Variants in UNK observed in about 807,000 individuals in gnomAD.
UNK encodes the protein unk zinc finger, also known as RING finger protein unkempt homolog.
UNK carries 32 observed loss-of-function variants against 97.6 expected under a neutral mutation model. The ratio of observed to expected loss-of-function variants is 0.33; its 90% CI spans 0.25 to 0.44. The LOEUF (loss-of-function observed/expected upper bound fraction) is 0.44. Among genes scored for constraint, UNK ranks in the 20% least tolerant of loss-of-function variants. UNK has a pLI of 1.00. For missense variants in UNK, 771 were observed against 1,098.4 expected (o/e 0.70, Z 4.21); for synonymous variants, 441 against 461.2 (o/e 0.96, Z 0.56).
Position 75,785,061 on chromosome 17 carries a change from G to A in UNK, c.104+77G>A. On this transcript the variant is annotated intron_variant, in intron 1 of 15. Coordinates refer to ENST00000589666, the MANE Select transcript of UNK (RefSeq NM_001080419.3). ...CCAGCGTGAGTCACGCGCGCAGGGA[G>A]AGCGCGAGGCGGCCTCTTCCTCCCC... 8.3e-6 allele frequency: 9 copies of A among 1,087,492 alleles called. 1 individual carries two copies. The South Asian group carries it at 1.6e-4, about 19-fold the overall frequency. The allele number at this position is 1,087,492 out of a possible 1,614,324, so 67.4% of individuals were successfully genotyped here. A position where few individuals can be genotyped will look rare whatever the true frequency, so the allele number is the denominator to read the frequency against.
At chr17:75,823,231 G>A in intron 14 of UNK, 34 bp from the exon 15 acceptor site, 1 of 1,560,284 alleles carries the variant, frequency 6.4e-7, no homozygotes, top group Non-Finnish European at 8.7e-7. Context: ...GCAGGGCAGG[G>A]CCATTGTGAT....
At position 75,816,692 on chromosome 17, in the gene UNK, T is replaced by G; in HGVS notation, c.962-78T>G. ...ATGTGCAGGGGGATTTGTGGTCTCC[T>G]TTGGAAGGGACCCAGGAGCATTTTT... On this transcript the variant is annotated intron_variant, in intron 7 of 15. Coordinates refer to ENST00000589666, the MANE Select transcript of UNK (RefSeq NM_001080419.3). The surrounding 1 kb of genome is among the most constrained non-coding windows in gnomAD (Gnocchi z 4.0). 1.3e-6 allele frequency: 2 copies of G among 1,500,406 alleles called. No homozygotes were observed. Among genetic ancestry groups the G allele is most frequent in the Non-Finnish European group, 1.8e-6 (2 of 1,127,050 alleles). The allele number at this position is 1,500,406 out of a possible 1,614,324, so 92.9% of individuals were successfully genotyped here.
At chr17:75,820,970 T>C (rs957014640) in intron 13 of UNK, among the ~76,000 whole-genome samples, 1 of 152,214 alleles carries the variant, frequency 6.6e-6, no homozygotes, top group South Asian at 2.1e-4. Context: ...TTGAAGAGGC[T>C]GTTCTCTGTT....
chr17:75,817,044 C>T lies in UNK; in HGVS notation c.1104+132C>T. ...CTCAGGCCAGGGGGATCTGTCTTTT[C>T]CATCTCAGCATTCTTCGTCAAAAGT... is the stretch of plus-strand genomic sequence containing the variant. On this transcript the variant is annotated intron_variant, in intron 8 of 15. Coordinates refer to ENST00000589666, the MANE Select transcript of UNK (RefSeq NM_001080419.3). This position sits in a 1 kb window ranked among gnomAD's most constrained non-coding sequence, Gnocchi z 5.8. 7.3e-7 allele frequency: 1 copy of T among 1,364,102 alleles called. No homozygotes were observed. The highest frequency in any genetic ancestry group is 9.7e-7 in the Non-Finnish European group (1 of 1,029,858). The allele number at this position is 1,364,102 out of a possible 1,614,324, so 84.5% of individuals were successfully genotyped here. A position where few individuals can be genotyped will look rare whatever the true frequency, so the allele number is the denominator to read the frequency against.
chr17:75,801,145 C>T (rs187636631), intron 1 of UNK, among the ~76,000 whole-genome samples: 18 of 152,070 alleles, frequency 1.2e-4, no homozygotes, highest in Non-Finnish European at 2.4e-4. Context: ...CCTCATGATC[C>T]GCCCGCCTCG....
Position 75,784,910 on chromosome 17 carries a change from C to T in UNK, c.30C>T (p.Ser10=). The change falls in exon 1 of 16, where the codon TCC becomes TCT. Residue 10 remains serine, a synonymous_variant. Transcript: ENST00000589666. ...CGAAGGGCCCCGGGCCCGGCGGCTC[C>T]GCAGCTTCCTCGGCGCCCCCGGCCG... MSKGPGPGG[S]AASSAPPAAT... 1.9e-6 allele frequency: 3 copies of T among 1,571,242 alleles called. No homozygotes were observed. Among genetic ancestry groups the T allele is most frequent in the Non-Finnish European group, 2.6e-6 (3 of 1,162,210 alleles).
At chr17:75,808,662 TC>T (rs1284588594) in intron 1 of UNK, among the ~76,000 whole-genome samples, 3 of 152,174 alleles carry the variant, frequency 2.0e-5, no homozygotes, top group Admixed American at 1.3e-4. Context: ...CATGCTTCTT[TC>T]TGCAGTCTCC....
chr17:75,823,377 AG>A lies in UNK; in HGVS notation c.2133del (p.Lys712SerfsTer56). On this transcript the variant is annotated frameshift_variant, in exon 15 of 16. Transcript: ENST00000589666. LOFTEE classifies it high-confidence loss of function. Reference sequence around the variant, plus strand: ...CGGGATGCACTGGAGGTGCAGGTGAAGAAGCTCCAGGAGGAGCTGGAGCGGC... The same window carrying A: ...CGGGATGCACTGGAGGTGCAGGTGAAAAGCTCCAGGAGGAGCTGGAGCGGC... ...EQRDALEVQVKKLQEELERLH... is the reference protein window; with the variant it reads ...EQRDALEVQVXKLQEELERLH... 6.2e-7 allele frequency: 1 copy of A among 1,611,022 alleles called. No homozygotes were observed. The highest frequency in any genetic ancestry group is 8.5e-7 in the Non-Finnish European group (1 of 1,178,816).
chr17:75,800,830 C>G (rs1238485513), intron 1 of UNK, among the ~76,000 whole-genome samples: 2 of 152,142 alleles, frequency 1.3e-5, no homozygotes, highest in Non-Finnish European at 2.9e-5. Flanking sequence ...CAACTACAGA[C>G]TCAAGTAGTT....
At chr17:75,785,209 T>G (rs2061697245) in intron 1 of UNK, 2 of 502,840 alleles carry the variant, frequency 4.0e-6, no homozygotes, top group Non-Finnish European at 6.9e-6. Flanking sequence ...GGCCGCCGAG[T>G]GGGGAAGGCG....
intron 13 of UNK, 55 bp from the exon 14 acceptor site, chr17:75,822,422 C>G: frequency 6.5e-7 from 1 of 1,546,702 alleles, no homozygotes; most frequent in South Asian, 1.2e-5. Context: ...CAGGGCTGGC[C>G]AGGGCCTGGG....
At chr17:75,806,222 G>A (rs747755739) in intron 1 of UNK, among the ~76,000 whole-genome samples, 24 of 152,092 alleles carry the variant, frequency 1.6e-4, no homozygotes, top group Non-Finnish European at 2.8e-4. Flanking sequence ...TTGGGAGGCC[G>A]AGGCGGGCGG....
rs758627163 is a variant in UNK at position 75,802,513 on chromosome 17, C to T, written c.105-7247C>T. Among the ~76,000 whole-genome samples the T allele has an allele frequency of 6.6e-5, 10 of 152,054 alleles. 1 individual carries two copies. Among genetic ancestry groups the T allele is most frequent in the Non-Finnish European group, 1.5e-4 (10 of 68,012 alleles). On this transcript the variant is annotated intron_variant, in intron 1 of 15. Transcript: ENST00000589666. ...TCAGGTGATCCTCCCACCTCCGCCTCCTGTGTTGCTGGGATTACGGGGATG... is the reference window on the plus strand; with the variant it reads ...TCAGGTGATCCTCCCACCTCCGCCTTCTGTGTTGCTGGGATTACGGGGATG...
At chr17:75,813,348 C>A in intron 5 of UNK, 135 bp downstream of exon 5, 1 of 1,256,620 alleles carries the variant, frequency 8.0e-7, no homozygotes, top group Non-Finnish European at 1.1e-6. Flanking sequence ...GCCCAGGGCC[C>A]AGGGGAGGGC....
In UNK at chr17:75,813,207, A is replaced by G. The variant is rs775877221; in HGVS notation, c.752A>G (p.Lys251Arg). The G allele has an allele frequency of 1.8e-5, 28 of 1,582,460 alleles. No homozygotes were observed. Among genetic ancestry groups the G allele is most frequent in the South Asian group, 2.3e-5 (2 of 86,686 alleles). ...CGGCGGCGGAGCCCCCGGAAGCACA[A>G]ATACAGGTCCTTAGGCCCCAGGAGG... The part of the protein sequence containing the change: ...KDRRRSPRKH[K>R]YRSSPCPNVK... The change falls in exon 5 of 16, where the codon AAA (lysine) becomes AGA (arginine). Residue 251 changes from lysine (K) to arginine (R), a missense_variant. Transcript: ENST00000589666.
At position 75,818,113 on chromosome 17, in the gene UNK, A is replaced by T. The variant is rs758136835; in HGVS notation, c.1316A>T (p.Lys439Ile). 1 of 1,613,068 alleles carries T rather than the reference A, an allele frequency of 6.2e-7. No homozygotes were observed. Among genetic ancestry groups the T allele is most frequent in the African/African-American group, 1.3e-5 (1 of 74,808 alleles). Residue 439 changes from lysine to isoleucine, a missense_variant, in exon 10 of 16, where the codon AAA (lysine) becomes ATA (isoleucine). Around this residue, in one of 5 missense-constraint regions of UNK, gnomAD observed 192 missense variants for 202.4 expected, o/e 0.95. Transcript: ENST00000589666. The surrounding 1 kb of genome is among the most constrained non-coding windows in gnomAD (Gnocchi z 5.1). ...AATTTTCTCTCTCAGGCCAAATTAA[A>T]ACCCCACTCATTAGAGCCCAGGAGT... ...LKNFKCQAKL[K>I]PHSLEPRSQE...
At position 75,823,498 on chromosome 17, in the gene UNK, G is replaced by A. The variant is rs1329234074; in HGVS notation, c.2253G>A (p.Arg751=). 7.0e-6 allele frequency: 11 copies of A among 1,565,034 alleles called. No homozygotes were observed. Among genetic ancestry groups the A allele is most frequent in the African/African-American group, 2.7e-5 (2 of 73,686 alleles). The change falls in exon 15 of 16, where the codon CGG becomes CGA. Residue 751 remains arginine (R), a synonymous_variant. Coordinates refer to ENST00000589666, the MANE Select transcript of UNK (RefSeq NM_001080419.3). ...STLYSLQKQL[R]AHLEQVDKAV... The stretch of plus-strand genomic sequence containing the variant: ...TCTACTCCCTCCAGAAACAACTGCG[G>A]GCCCACCTGGAACAAGTGGACAAGG...
intron 1 of UNK, among the ~76,000 whole-genome samples, chr17:75,795,672 A>G (rs2061799420): frequency 6.6e-6 from 1 of 152,112 alleles, no homozygotes; most frequent in Admixed American, 6.6e-5. Flanking sequence ...AAGGTATTAT[A>G]TAATTTGGGG....
At chr17:75,823,755 G>A (rs2062092083) in intron 15 of UNK, among the ~76,000 whole-genome samples, 1 of 152,168 alleles carries the variant, frequency 6.6e-6, no homozygotes, top group Non-Finnish European at 1.5e-5. Context: ...ACCCCTGAGG[G>A]CGGCCCTGAC....
Sources: gnomAD v4.1 joint callset for allele counts (sites outside exome capture counted in the v4.1 genomes callset) on GRCh38, gnomAD v4.1.1 for gene constraint, gnomAD v4.1.1 regional missense constraint, Gnocchi (gnomAD v3.1) non-coding constraint, MANE v1.5 for transcripts, NCBI Gene and HGNC (gene_info 2026-07-23, HGNC 2026-07-21) for gene names.